POLQ: variants seen among roughly 807,000 people sequenced by gnomAD.
POLQ encodes the protein epididymis secretory sperm binding protein.
Under a neutral mutation model 259.2 loss-of-function variants are expected in POLQ, and 233 were observed. The observed-to-expected ratio is 0.90, with a 90% CI of 0.81 to 1.00. POLQ has a LOEUF of 1.00. POLQ is among the 50% of genes least tolerant of loss of function. The pLI is 0.00. For missense variants in POLQ, 2,871 were observed against 3,051.6 expected, an observed-to-expected ratio of 0.94 and a Z score of 1.39; for synonymous variants, 1,025 against 1,048.8, an observed-to-expected ratio of 0.98 and a Z score of 0.44.
intron 23 of POLQ, 130 bp downstream of exon 23, chr3:121,468,175 G>T: frequency 2.8e-6 from 2 of 703,220 alleles, no homozygotes; most frequent in Non-Finnish European, 4.5e-6. Flanking sequence ...ATTCAAAACG[G>T]TCTAGGACAG....
rs527737997 is a variant in POLQ, at chr3:121,509,712, G to A, written c.1817-9C>T. On this transcript the variant is annotated splice_polypyrimidine_tract_variant and intron_variant, in intron 11 of 29. Transcript: ENST00000264233. Reference sequence around the variant, plus strand: ...TGGATGATACACCTTTCCTGGTTTAGGGTTAGGGTGAGGAAACAGAGGAAC... The same window carrying A: ...TGGATGATACACCTTTCCTGGTTTAAGGTTAGGGTGAGGAAACAGAGGAAC... The A allele has an allele frequency of 6.2e-7, 1 of 1,601,988 alleles. No homozygotes were observed. Among genetic ancestry groups the A allele is most frequent in the Non-Finnish European group, 8.5e-7 (1 of 1,176,176 alleles).
intron 2 of POLQ, among the ~76,000 whole-genome samples, chr3:121,543,241 C>A (rs1242881952): frequency 6.6e-6 from 1 of 152,198 alleles, no homozygotes; most frequent in Non-Finnish European, 1.5e-5. Context: ...TTGAAATGGT[C>A]AAGCAATTAT....
At chr3:121,506,766 G>C (rs963854817) in intron 12 of POLQ, among the ~76,000 whole-genome samples, 5 of 152,078 alleles carry the variant, frequency 3.3e-5, no homozygotes, top group African/African-American at 1.2e-4. Context: ...CTTTCCTAAA[G>C]ATACACCTCC....
intron 6 of POLQ, among the ~76,000 whole-genome samples, chr3:121,531,505 T>G (rs1016628458): frequency 6.6e-6 from 1 of 152,184 alleles, no homozygotes; most frequent in Non-Finnish European, 1.5e-5. Flanking sequence ...ATGTAGATCA[T>G]GTAGGACCTT....
intron 23 of POLQ, 87 bp from the exon 24 acceptor site, chr3:121,467,727 C>A: frequency 7.4e-7 from 1 of 1,357,536 alleles, no homozygotes; most frequent in South Asian, 1.3e-5. Flanking sequence ...TCAGTATTTC[C>A]GTCTAAGAAA....
intron 9 of POLQ, among the ~76,000 whole-genome samples, chr3:121,514,330 TA>T (rs1207463587): frequency 5.5e-4 from 19 of 34,400 alleles, no homozygotes; most frequent in Admixed American, 9.6e-4. Flanking sequence ...TTCCGTGTAT[TA>T]AAAAAAAAAA....
chr3:121,458,177 T>C (rs1022743336), intron 25 of POLQ, among the ~76,000 whole-genome samples: 2 of 151,994 alleles, frequency 1.3e-5, no homozygotes, highest in African/African-American at 2.4e-5. Flanking sequence ...TAGGTGGGAA[T>C]TGAACAATGA....
chr3:121,539,282 G>A (rs963246669), intron 4 of POLQ, 151 bp downstream of exon 4: 13 of 617,658 alleles, frequency 2.1e-5, no homozygotes, highest in East Asian at 2.0e-4. Flanking sequence ...TAAACACAGC[G>A]TTCCTAACAT....
In POLQ at chr3:121,432,345, T is replaced by TTTTCAC. The variant is rs1249978461; in HGVS notation, c.7726_7731dup (p.Val2576_Lys2577dup). The stretch of plus-strand genomic sequence containing the variant: ...TTTAGCTCTCCCCAGCTGGCGCCTA[T>TTTTCAC]TTTCACTTTCACTTTCAATTTCACA... On this transcript the variant is annotated inframe_insertion, in exon 30 of 30. Coordinates refer to ENST00000264233, the MANE Select transcript of POLQ (RefSeq NM_199420.4). 5.0e-6 allele frequency: 8 copies of TTTTCAC among 1,607,756 alleles called. No homozygotes were observed. The African/African-American group carries it at 1.1e-4, about 22-fold the overall frequency.
intron 12 of POLQ, among the ~76,000 whole-genome samples, chr3:121,502,711 T>C (rs2048181256): frequency 6.6e-6 from 1 of 152,162 alleles, no homozygotes; most frequent in African/African-American, 2.4e-5. Flanking sequence ...TGTAAATGTA[T>C]ATTTGCTCTC....
intron 15 of POLQ, among the ~76,000 whole-genome samples, chr3:121,491,178 C>T (rs572578339): frequency 6.6e-6 from 1 of 151,944 alleles, no homozygotes; most frequent in Non-Finnish European, 1.5e-5. Context: ...TATGGTAAAA[C>T]TCTTTCTCTA....
At chr3:121,447,106 G>A (rs2047638024) in intron 26 of POLQ, among the ~76,000 whole-genome samples, 1 of 146,448 alleles carries the variant, frequency 6.8e-6, no homozygotes, top group South Asian at 2.2e-4. Flanking sequence ...TTTAGTTTTT[G>A]TGTATCTGTT....
chr3:121,454,566 A>G (rs1454849134), intron 25 of POLQ, among the ~76,000 whole-genome samples: 4 of 152,204 alleles, frequency 2.6e-5, no homozygotes, highest in African/African-American at 7.2e-5. Context: ...AAACAAAAAA[A>G]AGCAGGGGTT....
Position 121,468,334 on chromosome 3 carries a change from A to G in POLQ, c.6816T>C (p.Ala2272=), listed in dbSNP as rs1416852797. Residue 2272 remains alanine (A), a synonymous_variant, in exon 23 of 30, where the codon GCT becomes GCC. Transcript: ENST00000264233. ...CCATGGGAAGTAGGCCTTTGCCTAC[A>G]GCTTGAGAAGGTGGGCTTTCTCCTA... ...TLVGESPPSQ[A]VGKGLLPMGR... is the part of the protein sequence containing the mutation. The G allele has an allele frequency of 1.2e-6, 2 of 1,613,092 alleles. No homozygotes were observed. Among genetic ancestry groups the G allele is most frequent in the East Asian group, 2.2e-5 (1 of 44,860 alleles).
At chr3:121,454,122 A>G (rs1339522504) in intron 25 of POLQ, among the ~76,000 whole-genome samples, 2 of 152,232 alleles carry the variant, frequency 1.3e-5, no homozygotes, top group African/African-American at 4.8e-5. Context: ...TTTCATATCC[A>G]GCCAAACTAA....
rs1189836787 is a variant in POLQ at position 121,432,361 on chromosome 3, C to T, written c.7716G>A (p.Leu2572=). 1 of 1,610,250 alleles carries T rather than the reference C, an allele frequency of 6.2e-7. No homozygotes were observed. Among genetic ancestry groups the T allele is most frequent in the Non-Finnish European group, 8.5e-7 (1 of 1,178,258 alleles). The change falls in exon 30 of 30, where the codon TTG becomes TTA. Residue 2572 remains leucine (L), a synonymous_variant. Transcript: ENST00000264233. The part of the protein sequence containing the change: ...MESAVKLSVK[L]KVKVKIGASW... ...TGGCGCCTATTTTCACTTTCACTTT[C>T]AATTTCACAGACAGTTTTACAGCAC...
At chr3:121,494,774 A>G in intron 14 of POLQ, 2 of 1,503,392 alleles carry the variant, frequency 1.3e-6, no homozygotes, top group Non-Finnish European at 1.8e-6. Flanking sequence ...GGAAGTTATC[A>G]GGACCAATTA....
chr3:121,448,150 A>G (rs1199163766), intron 26 of POLQ, among the ~76,000 whole-genome samples: 1 of 152,058 alleles, frequency 6.6e-6, no homozygotes, highest in Non-Finnish European at 1.5e-5. Context: ...TAACTCTTAG[A>G]AGATTTGCCC....
At chr3:121,449,572 G>A (rs1037064896) in intron 25 of POLQ, 146 bp from the exon 26 acceptor site, 1 of 642,806 alleles carries the variant, frequency 1.6e-6, no homozygotes, top group South Asian at 1.9e-5. Context: ...TACATCCACA[G>A]AGACTGATAT....
Sources: allele counts gnomAD v4.1 joint callset (sites outside exome capture counted in the v4.1 genomes callset), GRCh38; gene constraint gnomAD v4.1.1; transcripts MANE v1.5; gene names NCBI Gene and HGNC (gene_info 2026-07-23, HGNC 2026-07-21).